TXNRD1: variants seen among roughly 807,000 people sequenced by gnomAD.
TXNRD1 encodes the protein thioredoxin reductase 1.
TXNRD1 carries 57 observed loss-of-function variants against 80.3 expected under a neutral mutation model. The ratio of observed to expected loss-of-function variants is 0.71; its 90% CI spans 0.57 to 0.89. TXNRD1 has a LOEUF of 0.89. Among genes scored for constraint, TXNRD1 ranks in the 40% least tolerant of loss-of-function variants. The pLI is 0.00. For missense variants in TXNRD1, 730 were observed against 803.0 expected, an observed-to-expected ratio of 0.91 and a Z score of 1.10; for synonymous variants, 291 against 285.2, an observed-to-expected ratio of 1.02 and a Z score of -0.20.
chr12:104,253,376 CAA>C, intron 2 of TXNRD1, among the ~76,000 whole-genome samples: 1 of 102,162 alleles, frequency 9.8e-6, no homozygotes, highest in Non-Finnish European at 2.0e-5. Context: ...AGTAGGATTG[CAA>C]AGAGGCAGAA....
Position 104,289,056 on chromosome 12 carries a change from G to C in TXNRD1, c.414+16G>C. On this transcript the variant is annotated intron_variant, in intron 4 of 16. Transcript: ENST00000525566. ...AACCTTGAAGGTAGGAGAGAGTAAC[G>C]TATCTTTTTAAACGGGGGATGAGCT... The C allele has an allele frequency of 6.2e-7, 1 of 1,606,450 alleles. No homozygotes were observed. Among genetic ancestry groups the C allele is most frequent in the South Asian group, 1.1e-5 (1 of 90,928 alleles).
intron 1 of TXNRD1, among the ~76,000 whole-genome samples, chr12:104,222,288 AAC>A (rs2032373953): frequency 6.6e-6 from 1 of 152,190 alleles, no homozygotes; most frequent in Admixed American, 6.6e-5. Context: ...CTTAGATAGT[AAC>A]ACAGTGCAGA....
At chr12:104,304,568 A>G (rs2034806703) in intron 4 of TXNRD1, 1 of 1,613,956 alleles carries the variant, frequency 6.2e-7, no homozygotes, top group Non-Finnish European at 8.5e-7. Flanking sequence ...GGACCTGAGT[A>G]GTTATCCAGA....
intron 4 of TXNRD1, among the ~76,000 whole-genome samples, chr12:104,289,793 C>T (rs1319479910): frequency 6.6e-6 from 1 of 151,996 alleles, no homozygotes; most frequent in African/African-American, 2.4e-5. Context: ...AGTGCAGTGG[C>T]GTGATCTTGT....
intron 1 of TXNRD1, among the ~76,000 whole-genome samples, chr12:104,245,277 T>G (rs1472046316): frequency 1.3e-5 from 2 of 150,704 alleles, no homozygotes. Flanking sequence ...TTTGGGAGGC[T>G]GCGGCAGGCG....
At chr12:104,268,581 C>G (rs951735693) in intron 3 of TXNRD1, among the ~76,000 whole-genome samples, 1 of 151,934 alleles carries the variant, frequency 6.6e-6, no homozygotes, top group African/African-American at 2.4e-5. Flanking sequence ...TACAGTGGCA[C>G]GATCTCGGCT....
intron 16 of TXNRD1, among the ~76,000 whole-genome samples, chr12:104,342,729 G>C (rs1461118310): frequency 6.6e-6 from 1 of 152,182 alleles, no homozygotes; most frequent in Non-Finnish European, 1.5e-5. Flanking sequence ...AACTAAGGAA[G>C]GGTATTTTGA....
intron 13 of TXNRD1, 130 bp downstream of exon 13, chr12:104,327,801 TC>T: frequency 1.1e-6 from 1 of 926,114 alleles, no homozygotes. Flanking sequence ...ATCCTAGATG[TC>T]CTTTATTAGT....
intron 7 of TXNRD1, 47 bp downstream of exon 7, chr12:104,315,943 G>T: frequency 6.4e-7 from 1 of 1,566,504 alleles, no homozygotes; most frequent in South Asian, 1.2e-5. Flanking sequence ...TTGGGGGTTT[G>T]AGCTGCAATT....
intron 4 of TXNRD1, chr12:104,304,324 T>C (rs2034788778): frequency 6.2e-7 from 1 of 1,614,068 alleles, no homozygotes; most frequent in Non-Finnish European, 8.5e-7. Flanking sequence ...TGGGTCTGAA[T>C]TGGATGGAAG....
intron 4 of TXNRD1, chr12:104,303,882 T>G: frequency 6.6e-7 from 1 of 1,504,716 alleles, no homozygotes; most frequent in Non-Finnish European, 8.8e-7. Context: ...CAGCTCGTGA[T>G]CATCCCCGGT....
intron 4 of TXNRD1, chr12:104,291,193 T>G: frequency 8.1e-6 from 3 of 371,570 alleles, no homozygotes; most frequent in Non-Finnish European, 9.7e-6. Flanking sequence ...TTCTACTTTG[T>G]GTCTTTTTTT....
intron 3 of TXNRD1, among the ~76,000 whole-genome samples, chr12:104,285,478 C>A (rs911031115): frequency 2.0e-5 from 3 of 152,132 alleles, no homozygotes; most frequent in Non-Finnish European, 4.4e-5. Flanking sequence ...CCTTATCTAG[C>A]CTGTTTTGGA....
At chr12:104,344,123 A>C (rs2036415702) in intron 16 of TXNRD1, among the ~76,000 whole-genome samples, 1 of 152,200 alleles carries the variant, frequency 6.6e-6, no homozygotes, top group Non-Finnish European at 1.5e-5. Flanking sequence ...AAATAAAATA[A>C]GGGAATATCT....
chr12:104,325,229 A>T lies in TXNRD1; in HGVS notation c.1216-108A>T, dbSNP rs894328293. Reference sequence around the variant, plus strand: ...GAGATGGGACATAAAAGACTTTTCAAGCACGATTTTATATTTTAACTTTGG... The same window carrying T: ...GAGATGGGACATAAAAGACTTTTCATGCACGATTTTATATTTTAACTTTGG... On this transcript the variant is annotated intron_variant, in intron 10 of 16. Transcript: ENST00000525566. 25 of 801,908 alleles carry T rather than the reference A, an allele frequency of 3.1e-5. 1 individual carries two copies. The highest frequency in any genetic ancestry group is 4.5e-4 in the Middle Eastern group (2 of 4,408). The allele number at this position is 801,908 out of a possible 1,614,324, so 49.7% of individuals were successfully genotyped here. A position where few individuals can be genotyped will look rare whatever the true frequency, so the allele number is the denominator to read the frequency against.
chr12:104,323,512 C>G, intron 10 of TXNRD1, among the ~76,000 whole-genome samples: 1 of 145,832 alleles, frequency 6.9e-6, no homozygotes, highest in South Asian at 2.2e-4. Flanking sequence ...CCGGACGGGG[C>G]GGCTGGCCGG....
At chr12:104,256,004 T>C (rs1245787079) in intron 2 of TXNRD1, among the ~76,000 whole-genome samples, 5 of 152,342 alleles carry the variant, frequency 3.3e-5, no homozygotes, top group African/African-American at 1.2e-4. Flanking sequence ...GGTAAAGTGG[T>C]GAATTTCTTC....
chr12:104,234,786 A>G (rs1381902635), intron 1 of TXNRD1, among the ~76,000 whole-genome samples: 1 of 152,000 alleles, frequency 6.6e-6, no homozygotes, highest in Non-Finnish European at 1.5e-5. Context: ...GAGATGAGCA[A>G]TATATCTCCT....
At chr12:104,271,272 G>A (rs1218731965) in intron 3 of TXNRD1, among the ~76,000 whole-genome samples, 7 of 145,340 alleles carry the variant, frequency 4.8e-5, no homozygotes, top group African/African-American at 1.3e-4. Flanking sequence ...TGCAAGCTCC[G>A]CCTCCCAGGT....
Sources: gnomAD v4.1 joint callset for allele counts (sites outside exome capture counted in the v4.1 genomes callset) on GRCh38, gnomAD v4.1.1 for gene constraint, MANE v1.5 for transcripts, NCBI Gene and HGNC (gene_info 2026-07-23, HGNC 2026-07-21) for gene names.